GLOD4: variants seen among roughly 807,000 people sequenced by gnomAD.
GLOD4 encodes the protein glyoxalase domain-containing protein 4.
A neutral mutation model predicts 39.1 loss-of-function variants in GLOD4; 44 were observed. The ratio of observed to expected loss-of-function variants is 1.13; its 90% CI spans 0.88 to 1.45. The LOEUF (loss-of-function observed/expected upper bound fraction) is 1.45. Ranked by LOEUF, GLOD4 falls within the 40% of genes most tolerant of loss-of-function variation. The pLI is 0.00. For missense variants in GLOD4, 405 were observed against 366.4 expected, an observed-to-expected ratio of 1.11 and a Z score of -0.86; for synonymous variants, 145 against 135.0, an observed-to-expected ratio of 1.07 and a Z score of -0.52.
Position 778,747 on chromosome 17 carries a change from G to A in GLOD4, c.91-3C>T, listed in dbSNP as rs749305482. On this transcript the variant is annotated splice_polypyrimidine_tract_variant and splice_region_variant and intron_variant, in intron 1 of 8. Coordinates refer to ENST00000301329, the MANE Select transcript of GLOD4 (RefSeq NM_016080.4). ...TCAAATTCCTCATGCCGCAGAACCT[G>A]GTGTGAGATTTAGAATAAATTGTGA... 2 of 1,589,672 alleles carry A rather than the reference G, an allele frequency of 1.3e-6. No homozygotes were observed. The highest frequency in any genetic ancestry group is 8.6e-7 in the Non-Finnish European group (1 of 1,157,944).
At chr17:761,145 T>A (rs1363333404) in intron 8 of GLOD4, among the ~76,000 whole-genome samples, 1 of 152,146 alleles carries the variant, frequency 6.6e-6, no homozygotes, top group Non-Finnish European at 1.5e-5. Flanking sequence ...TGGAAACAAG[T>A]ATTTTGCATG....
chr17:764,718 T>G (rs968933308), intron 8 of GLOD4: 4 of 151,922 alleles, frequency 2.6e-5, no homozygotes, highest in Admixed American at 2.6e-4. Context: ...CTCAAAACCA[T>G]GTTGAGTAGG....
At chr17:778,309 T>C in intron 2 of GLOD4, 1 of 347,272 alleles carries the variant, frequency 2.9e-6, no homozygotes, top group East Asian at 4.5e-5. Context: ...CGGAAAATCT[T>C]CTGGGACTGA....
Position 770,424 on chromosome 17 carries a change from T to C in GLOD4, c.627A>G (p.Lys209=). 1 of 1,518,086 alleles carries C rather than the reference T, an allele frequency of 6.6e-7. No individual in the cohort carries two copies. Among genetic ancestry groups the C allele is most frequent in the Non-Finnish European group, 9.2e-7 (1 of 1,092,188 alleles). 94.0% of individuals were successfully genotyped at this position (1,518,086 alleles called of 1,614,324 possible). A position where few individuals can be genotyped will look rare whatever the true frequency, so the allele number is the denominator to read the frequency against. The change falls in exon 6 of 9, where the codon AAA becomes AAG. Residue 209 remains lysine, a synonymous_variant. Transcript: ENST00000301329. ...ACGATCTGGTATCAAGCGTTACCTCTTTCTGGGGGCAAGAGAAGGCAATTC... is the reference window on the plus strand; with the variant it reads ...ACGATCTGGTATCAAGCGTTACCTCCTTCTGGGGGCAAGAGAAGGCAATTC... ...FGRIAFSCPQ[K]ELPDLEDLMK...
chr17:777,124 G>C (rs1909098849), intron 2 of GLOD4, 136 bp from the exon 3 acceptor site: 1 of 763,904 alleles, frequency 1.3e-6, no homozygotes, highest in East Asian at 2.6e-5. Flanking sequence ...GATGACCTCA[G>C]ATGGTACAGA....
chr17:782,383 C>G (rs1365701406), upstream of GLOD4: 5 of 1,613,560 alleles, frequency 3.1e-6, no homozygotes, highest in Admixed American at 1.7e-5. Context: ...GGGAACATGG[C>G]GGCGCTGGTG....
At chr17:760,327 TA>T (rs1014028292) in intron 8 of GLOD4, 89 bp from the exon 9 acceptor site, 32 of 680,212 alleles carry the variant, frequency 4.7e-5, no homozygotes, top group South Asian at 1.1e-4. Flanking sequence ...CTGACCACAA[TA>T]AAAAAAATTA....
rs1905145052 is a variant in GLOD4, at chr17:759,629, A to C, written c.*544T>G. 1 of 152,692 alleles carries C rather than the reference A, an allele frequency of 6.5e-6. No homozygotes were observed. 9.5% of individuals were successfully genotyped at this position (152,692 alleles called of 1,614,324 possible). A position where few individuals can be genotyped will look rare whatever the true frequency, so the allele number is the denominator to read the frequency against. ...CTTTCTGTTTCCTCTGGACACTCAA[A>C]ATGTGAAAGCAAGTAAGAGGGGGGT... On this transcript the variant is annotated 3_prime_UTR_variant, in exon 9 of 9. Transcript: ENST00000301329.
At chr17:773,023 G>A (rs1324504499) in intron 4 of GLOD4, among the ~76,000 whole-genome samples, 1 of 151,778 alleles carries the variant, frequency 6.6e-6, no homozygotes, top group African/African-American at 2.4e-5. Flanking sequence ...TCAACCCGAC[G>A]CCCCCAAACA....
rs761835834 is a variant in GLOD4, at chr17:775,771, T to C, written c.406+4A>G. ...GAGGCTTTTACTGGTTCTGGTATAA[T>C]TACCTGACTGAGGCAGACTGCGATT... On this transcript the variant is annotated splice_donor_region_variant and intron_variant, in intron 4 of 8. Coordinates refer to ENST00000301329, the MANE Select transcript of GLOD4 (RefSeq NM_016080.4). The C allele has an allele frequency of 1.9e-6, 3 of 1,612,932 alleles. No individual in the cohort carries two copies. The highest frequency in any genetic ancestry group is 2.5e-6 in the Non-Finnish European group (3 of 1,178,922).
At chr17:785,418 G>T (rs1049979096), upstream of GLOD4, among the ~76,000 whole-genome samples, 1 of 152,050 alleles carries the variant, frequency 6.6e-6, no homozygotes, top group Non-Finnish European at 1.5e-5. Flanking sequence ...ATTATATAAT[G>T]TATATATAAT....
chr17:760,897 T>C (rs28547408), intron 8 of GLOD4, among the ~76,000 whole-genome samples: 5,016 of 152,272 alleles, frequency 0.033, 133 homozygotes, highest in African/African-American at 0.067. Flanking sequence ...GTTCAGCCTG[T>C]GTAACAGAGT....
chr17:761,701 A>C, intron 8 of GLOD4, among the ~76,000 whole-genome samples: 1 of 152,104 alleles, frequency 6.6e-6, no homozygotes, highest in Non-Finnish European at 1.5e-5. Flanking sequence ...ACAGGGTTTC[A>C]CCATGTTGGT....
rs770394682 is a variant in GLOD4, at chr17:770,103, G to C, written c.685C>G (p.Leu229Val). ...KRENQKILTP[L>V]VSLDTPGKAT... ...TTCCCTGGGGTGTCCAGGCTCACCA[G>C]GGGAGTCAGAATCTTCTGGTTCTCC... is the stretch of plus-strand genomic sequence containing the variant. The change falls in exon 7 of 9, where the codon CTG (leucine) becomes GTG (valine). Residue 229 changes from leucine to valine, a missense_variant. By Grantham distance (32) the Leu-to-Val change is conservative. Coordinates refer to ENST00000301329, the MANE Select transcript of GLOD4 (RefSeq NM_016080.4). The C allele has an allele frequency of 6.2e-7, 1 of 1,612,982 alleles. No homozygotes were observed.
intron 6 of GLOD4, 112 bp from the exon 7 acceptor site, chr17:770,269 T>G: frequency 2.6e-6 from 2 of 756,952 alleles, no homozygotes. Flanking sequence ...CGCCATTTGT[T>G]TGAATTTATT....
upstream of GLOD4, chr17:783,525 T>G (rs1447520623): frequency 2.1e-6 from 1 of 478,440 alleles, no homozygotes; most frequent in African/African-American, 2.0e-5. Context: ...TTAGTAGAGG[T>G]GGGGTTTCAC....
chr17:766,746 A>G (rs148559839), intron 8 of GLOD4, among the ~76,000 whole-genome samples: 110 of 151,998 alleles, frequency 7.2e-4, no homozygotes, highest in African/African-American at 2.7e-3. Context: ...CTAAAAATAC[A>G]AAAATTAGCC....
intron 4 of GLOD4, among the ~76,000 whole-genome samples, chr17:774,311 C>T (rs182505462): frequency 6.6e-5 from 10 of 152,252 alleles, no homozygotes; most frequent in African/African-American, 1.7e-4. Context: ...GACAGGAGGC[C>T]GACCAGTGAA....
chr17:777,836 T>G (rs1909221485), intron 2 of GLOD4: 2 of 152,222 alleles, frequency 1.3e-5, no homozygotes, highest in Non-Finnish European at 2.9e-5. Context: ...CCTGAGTTTA[T>G]GCTAATGAAG....
Sources: gnomAD v4.1 joint callset for allele counts (sites outside exome capture counted in the v4.1 genomes callset) on GRCh38, gnomAD v4.1.1 for gene constraint, MANE v1.5 for transcripts, NCBI Gene and HGNC (gene_info 2026-07-23, HGNC 2026-07-21) for gene names.